Variants in QTGAL observed in about 807,000 individuals in gnomAD.
The protein encoded by QTGAL is queuosine-tRNA galactosyltransferase.
chr17:83,035,582 G>A, the QTGAL span, among the ~76,000 whole-genome samples: 1 of 152,126 alleles, frequency 6.6e-6, no homozygotes, highest in African/African-American at 2.4e-5. Context: ...TCCACCTTTG[G>A]TAGGTGGCAT....
chr17:82,984,304 ATGT>A, the QTGAL span, among the ~76,000 whole-genome samples: 2 of 130,602 alleles, frequency 1.5e-5, no homozygotes, highest in Non-Finnish European at 3.2e-5. Context: ...GGGAGAGGCC[ATGT>A]GAGGATGTGG....
the QTGAL span, among the ~76,000 whole-genome samples, chr17:82,962,821 A>T: frequency 6.6e-6 from 1 of 152,188 alleles, no homozygotes; most frequent in African/African-American, 2.4e-5. Context: ...ATTTTCTGGC[A>T]GTAAAGTGAG....
chr17:83,008,130 C>T, the QTGAL span, among the ~76,000 whole-genome samples: 2 of 141,034 alleles, frequency 1.4e-5, no homozygotes, highest in Admixed American at 6.8e-5. Flanking sequence ...ACCGAGACGT[C>T]AGATTCTCAG....
chr17:83,041,780 G>A, the QTGAL span, among the ~76,000 whole-genome samples: 5 of 152,224 alleles, frequency 3.3e-5, no homozygotes, highest in African/African-American at 1.2e-4. Context: ...AACATGGTAA[G>A]TTGAACTATC....
chr17:82,980,527 C>T, the QTGAL span, among the ~76,000 whole-genome samples: 40 of 152,312 alleles, frequency 2.6e-4, no homozygotes, highest in African/African-American at 7.9e-4. Flanking sequence ...AGCTATAAAT[C>T]GGGGTTCCCA....
At chr17:82,984,210 T>C in the QTGAL span, among the ~76,000 whole-genome samples, 1 of 80,650 alleles carries the variant, frequency 1.2e-5, no homozygotes, top group East Asian at 3.8e-4. Flanking sequence ...AGAGGCCACA[T>C]GAGGACGTGG....
the QTGAL span, among the ~76,000 whole-genome samples, chr17:82,997,764 C>T: frequency 1.3e-5 from 2 of 151,876 alleles, no homozygotes; most frequent in African/African-American, 4.8e-5. Context: ...TGAAATAAGC[C>T]AGACACAGAA....
chr17:82,985,800 G>C, the QTGAL span, among the ~76,000 whole-genome samples: 1 of 152,220 alleles, frequency 6.6e-6, no homozygotes, highest in Non-Finnish European at 1.5e-5. Context: ...AAGAAGAAGA[G>C]AGGCCTTACG....
At chr17:82,943,572 C>T in the QTGAL span, 2 of 152,210 alleles carry the variant, frequency 1.3e-5, no homozygotes, top group African/African-American at 4.8e-5. Context: ...ATGGGCAGGC[C>T]GAGAACTGGG....
chr17:82,995,597 TG>T, the QTGAL span, among the ~76,000 whole-genome samples: 2 of 152,052 alleles, frequency 1.3e-5, no homozygotes, highest in South Asian at 4.2e-4. Flanking sequence ...TTAACCAGGA[TG>T]GGTCTCGATC....
At chr17:82,991,188 A>G in the QTGAL span, among the ~76,000 whole-genome samples, 1 of 152,188 alleles carries the variant, frequency 6.6e-6, no homozygotes, top group Non-Finnish European at 1.5e-5. Flanking sequence ...GATTTCTTAG[A>G]TACAACATCA....
chr17:82,999,594 C>T, the QTGAL span, among the ~76,000 whole-genome samples: 4 of 152,264 alleles, frequency 2.6e-5, no homozygotes, highest in East Asian at 1.9e-4. Context: ...GTACTATATG[C>T]TGTATTTTTA....
At chr17:82,986,325 C>T in the QTGAL span, among the ~76,000 whole-genome samples, 466 of 152,352 alleles carry the variant, frequency 3.1e-3, 1 homozygote, top group Non-Finnish European at 5.2e-3. Flanking sequence ...CACGCCCCTC[C>T]GCCCCCACCA....
the QTGAL span, among the ~76,000 whole-genome samples, chr17:82,974,283 C>A: frequency 6.6e-6 from 1 of 152,210 alleles, no homozygotes; most frequent in African/African-American, 2.4e-5. Flanking sequence ...GTGGCCGGCG[C>A]TGACAAGCTG....
chr17:82,959,567 C>T, the QTGAL span, among the ~76,000 whole-genome samples: 1 of 151,964 alleles, frequency 6.6e-6, no homozygotes, highest in Non-Finnish European at 1.5e-5. Context: ...GGCATCTTGT[C>T]CTTAGCAGCC....
At chr17:83,007,995 G>A in the QTGAL span, among the ~76,000 whole-genome samples, 3 of 145,220 alleles carry the variant, frequency 2.1e-5, no homozygotes, top group Non-Finnish European at 3.1e-5. Context: ...GCGCCCAGCC[G>A]CGATGCTGCC....
chr17:83,046,932 C>T, the QTGAL span, among the ~76,000 whole-genome samples: 4 of 152,186 alleles, frequency 2.6e-5, no homozygotes, highest in African/African-American at 4.8e-5. Context: ...CACAGAGGAA[C>T]GTTAAAACGT....
chr17:83,023,593 T>A, the QTGAL span, among the ~76,000 whole-genome samples: 1 of 152,212 alleles, frequency 6.6e-6, no homozygotes, highest in Admixed American at 6.5e-5. Flanking sequence ...AGTGTACCAT[T>A]CTAAATAAAG....
the QTGAL span, among the ~76,000 whole-genome samples, chr17:82,998,079 T>C: frequency 2.0e-5 from 3 of 151,706 alleles, no homozygotes; most frequent in African/African-American, 7.3e-5. Context: ...CAAAATTAGT[T>C]TAACTCTACA....
Sources: gnomAD v4.1 joint callset for allele counts (sites outside exome capture counted in the v4.1 genomes callset) on GRCh38, gnomAD v4.1.1 for gene constraint, MANE v1.5 for transcripts, NCBI Gene and HGNC (gene_info 2026-07-23, HGNC 2026-07-21) for gene names.